The following SGMS2 variants were observed in gnomAD, a reference collection of about 807,000 sequenced individuals.
SGMS2 encodes sphingomyelin synthase 2.
In SGMS2, 21 loss-of-function variants were observed where a neutral mutation model predicts 43.8. The ratio of observed to expected loss-of-function variants is 0.48; its 90% CI spans 0.34 to 0.69. SGMS2 has a LOEUF of 0.69. SGMS2 is among the 30% of genes least tolerant of loss of function. The pLI is 0.01. For missense variants in SGMS2, 384 were observed against 443.2 expected (o/e 0.87, Z 1.20); for synonymous variants, 167 against 160.6 (o/e 1.04, Z -0.30).
At chr4:107,870,669 G>C (rs1216876993) in intron 2 of SGMS2, among the ~76,000 whole-genome samples, 1 of 152,140 alleles carries the variant, frequency 6.6e-6, no homozygotes, top group Admixed American at 6.5e-5. Context: ...ATAAGCTTTG[G>C]AAATGGGCTC....
intron 2 of SGMS2, among the ~76,000 whole-genome samples, chr4:107,877,825 G>T (rs970500133): frequency 2.0e-5 from 3 of 151,682 alleles, no homozygotes; most frequent in African/African-American, 7.3e-5. Flanking sequence ...GAGGCCATGG[G>T]TATGTCATAC....
chr4:107,880,156 T>C (rs1245411794), intron 2 of SGMS2, among the ~76,000 whole-genome samples: 2 of 152,168 alleles, frequency 1.3e-5, no homozygotes, highest in East Asian at 3.8e-4. Flanking sequence ...AATTTTTCAA[T>C]TATATCTTTT....
At chr4:107,837,204 G>T (rs1284838008) in intron 1 of SGMS2, among the ~76,000 whole-genome samples, 1 of 152,152 alleles carries the variant, frequency 6.6e-6, no homozygotes, top group East Asian at 1.9e-4. Context: ...AATGGAAATT[G>T]GTTGTATATG....
rs1222280616 is a variant in SGMS2 at position 107,908,515 on chromosome 4, AC to A, written c.728-49del. ...GTCGTTAGGACAGACTGTAATCATT[AC>A]ATTCATCTCTGGGAATCTTATTAAC... On this transcript the variant is annotated intron_variant, in intron 5 of 6. Coordinates refer to ENST00000690982, the MANE Select transcript of SGMS2 (RefSeq NM_001375905.1). The A allele has an allele frequency of 1.9e-6, 3 of 1,554,300 alleles. No individual in the cohort carries two copies. The African/African-American group carries it at 4.1e-5, about 21-fold the overall frequency.
chr4:107,827,178 T>C (rs1725640739), intron 1 of SGMS2, among the ~76,000 whole-genome samples: 1 of 152,224 alleles, frequency 6.6e-6, no homozygotes, highest in Non-Finnish European at 1.5e-5. Context: ...TTTGGACAGT[T>C]TTAGACTAAA....
rs1475100040 is a variant in SGMS2 at position 107,903,320 on chromosome 4, T to C, written c.661T>C (p.Cys221Arg). The change falls in exon 5 of 7, where the codon TGT becomes CGT. Residue 221 changes from cysteine to arginine, a missense_variant. Physicochemically the swap from Cys to Arg is radical, Grantham distance 180. Coordinates refer to ENST00000690982, the MANE Select transcript of SGMS2 (RefSeq NM_001375905.1). The part of the protein sequence containing the change: ...GLSITGSHIL[C>R]GDFLFSGHTV... ...GTCCATAACTGGATCACATATCTTA[T>C]GTGGAGACTTCCTCTTCAGCGGTCA... The C allele has an allele frequency of 6.2e-7, 1 of 1,613,928 alleles. No individual in the cohort carries two copies. Among genetic ancestry groups the C allele is most frequent in the Non-Finnish European group, 8.5e-7 (1 of 1,179,932 alleles).
chr4:107,876,546 G>A (rs1479806873), intron 2 of SGMS2, among the ~76,000 whole-genome samples: 10 of 152,196 alleles, frequency 6.6e-5, no homozygotes, highest in Middle Eastern at 3.4e-3. Context: ...CGTTTCAGTC[G>A]CCTGTTTTTA....
At chr4:107,863,576 C>T (rs1727898677) in intron 2 of SGMS2, 1 of 152,188 alleles carries the variant, frequency 6.6e-6, no homozygotes, top group African/African-American at 2.4e-5. Flanking sequence ...TCTTTCAGCA[C>T]TGCATACTTT....
intron 2 of SGMS2, among the ~76,000 whole-genome samples, chr4:107,873,095 A>T (rs1728664891): frequency 6.6e-6 from 1 of 152,210 alleles, no homozygotes; most frequent in Admixed American, 6.5e-5. Flanking sequence ...TTACAGCTTA[A>T]ATTACATTTT....
At chr4:107,868,667 G>A (rs544869688) in intron 2 of SGMS2, among the ~76,000 whole-genome samples, 119 of 151,990 alleles carry the variant, frequency 7.8e-4, no homozygotes, top group African/African-American at 2.5e-3. Context: ...GCAGTGAGCC[G>A]AGATCGTGCC....
At chr4:107,847,240 G>GT (rs1206217218) in intron 1 of SGMS2, among the ~76,000 whole-genome samples, 1 of 152,048 alleles carries the variant, frequency 6.6e-6, no homozygotes, top group African/African-American at 2.4e-5. Context: ...GGTTTTTATG[G>GT]TTTTAGGTCT....
At chr4:107,882,194 C>T (rs968502146) in intron 2 of SGMS2, among the ~76,000 whole-genome samples, 4 of 152,162 alleles carry the variant, frequency 2.6e-5, no homozygotes, top group Non-Finnish European at 5.9e-5. Flanking sequence ...ATACTGTTCT[C>T]CATAGTGGCT....
intron 1 of SGMS2, among the ~76,000 whole-genome samples, chr4:107,852,693 C>T (rs1053959091): frequency 6.6e-6 from 1 of 151,962 alleles, no homozygotes; most frequent in Non-Finnish European, 1.5e-5. Flanking sequence ...TCCATTGTAC[C>T]TACCCACCAT....
intron 2 of SGMS2, among the ~76,000 whole-genome samples, chr4:107,868,234 T>C (rs1398174419): frequency 1.3e-5 from 2 of 152,202 alleles, no homozygotes; most frequent in Non-Finnish European, 2.9e-5. Flanking sequence ...TTTGCATGAT[T>C]TTATCGTAGG....
At chr4:107,849,047 G>A (rs941879176) in intron 1 of SGMS2, among the ~76,000 whole-genome samples, 2 of 151,980 alleles carry the variant, frequency 1.3e-5, no homozygotes, top group East Asian at 1.9e-4. Flanking sequence ...TATGGAAGTC[G>A]GGTTGTTCAG....
At chr4:107,883,214 G>A (rs550424012) in intron 2 of SGMS2, among the ~76,000 whole-genome samples, 1 of 152,198 alleles carries the variant, frequency 6.6e-6, no homozygotes, top group Non-Finnish European at 1.5e-5. Context: ...CATAAGTATC[G>A]ATCACATGGC....
chr4:107,869,441 A>T (rs972631454), intron 2 of SGMS2, among the ~76,000 whole-genome samples: 7 of 152,178 alleles, frequency 4.6e-5, no homozygotes, highest in African/African-American at 1.7e-4. Flanking sequence ...GATTTAGGGG[A>T]TGGAAAAAAA....
At chr4:107,851,867 A>G (rs934677893) in intron 1 of SGMS2, among the ~76,000 whole-genome samples, 2 of 152,150 alleles carry the variant, frequency 1.3e-5, no homozygotes, top group Non-Finnish European at 2.9e-5. Flanking sequence ...TAATTAGGCT[A>G]TATTTAACTG....
At chr4:107,865,472 C>T (rs1221463729) in intron 2 of SGMS2, among the ~76,000 whole-genome samples, 5 of 151,882 alleles carry the variant, frequency 3.3e-5, no homozygotes, top group Non-Finnish European at 7.4e-5. Context: ...TTTAAAGTAC[C>T]AACTATTTAT....
Sources: allele counts gnomAD v4.1 joint callset (sites outside exome capture counted in the v4.1 genomes callset), GRCh38; gene constraint gnomAD v4.1.1; transcripts MANE v1.5; gene names NCBI Gene and HGNC (gene_info 2026-07-23, HGNC 2026-07-21).